DPM3: variants seen among roughly 807,000 people sequenced by gnomAD.
The protein encoded by DPM3 is dolichol-phosphate mannosyltransferase subunit 3.
DPM3 carries 7 observed loss-of-function variants against 8.9 expected under a neutral mutation model. That is an observed-to-expected ratio of 0.79 (90% CI 0.45 to 1.48). DPM3 has a LOEUF of 1.48. DPM3 is among the 40% of genes most tolerant of loss of function. The pLI is 0.01. For synonymous variants in DPM3, 41 were observed against 56.3 expected (o/e 0.73, Z 1.22); for missense variants, 108 against 116.2 (o/e 0.93, Z 0.33).
intron 1 of DPM3, 64 bp downstream of exon 1, chr1:155,140,427 C>A (rs762421905): frequency 8.2e-6 from 6 of 728,252 alleles, no homozygotes; most frequent in Non-Finnish European, 1.5e-5. Flanking sequence ...TTGCTACCCC[C>A]TCTATATTTG....
intron 1 of DPM3, 60 bp from the exon 2 acceptor site, chr1:155,140,305 A>C: frequency 6.4e-7 from 1 of 1,569,802 alleles, no homozygotes; most frequent in Non-Finnish European, 8.7e-7. Context: ...GACCAAACTC[A>C]ACCGAAGCCC....
intron 1 of DPM3, 86 bp from the exon 2 acceptor site, chr1:155,140,331 T>A: frequency 6.9e-7 from 1 of 1,442,086 alleles, no homozygotes; most frequent in Non-Finnish European, 9.6e-7. Flanking sequence ...CGGAGAGCAT[T>A]AAAACCAGCC....
rs577202972 is a variant in DPM3 at position 155,140,499 on chromosome 1, C to T, written c.-14G>A. ...CTTCAACCTACACTTACCTCTACCCCACGTCTCCCCTTCCCCGCGCGGCCC... is the reference window on the plus strand; with the variant it reads ...CTTCAACCTACACTTACCTCTACCCTACGTCTCCCCTTCCCCGCGCGGCCC... On this transcript the variant is annotated 5_prime_UTR_variant, in exon 1 of 2. Coordinates refer to ENST00000368400, the MANE Select transcript of DPM3 (RefSeq NM_153741.2). 1.4e-5 allele frequency: 9 copies of T among 653,862 alleles called. No individual in the cohort carries two copies. Among genetic ancestry groups the T allele is most frequent in the Admixed American group, 4.9e-5 (2 of 41,032 alleles). The allele number at this position is 653,862 out of a possible 1,614,324, so 40.5% of individuals were successfully genotyped here. A position where few individuals can be genotyped will look rare whatever the true frequency, so the allele number is the denominator to read the frequency against.
rs1664705696 is a variant in DPM3 at position 155,140,222 on chromosome 1, A to C, written c.19T>G (p.Trp7Gly). 1 of 1,614,014 alleles carries C rather than the reference A, an allele frequency of 6.2e-7. No individual in the cohort carries two copies. The highest frequency in any genetic ancestry group is 8.5e-7 in the Non-Finnish European group (1 of 1,180,034). The part of the protein sequence containing the change: MTKLAQ[W>G]LWGLAILGST... ...CCCAGGATCGCTAGTCCCCAAAGCC[A>C]CTGCGCTAATTTCGTCATGGTCACT... Residue 7 changes from tryptophan to glycine, a missense_variant, in exon 2 of 2, where the codon TGG becomes GGG. Trp to Gly is a radical substitution (Grantham distance 184). Transcript: ENST00000368400.
In DPM3 at chr1:155,140,081, G is replaced by C; in HGVS notation, c.160C>G (p.Leu54Val). The C allele has an allele frequency of 6.2e-7, 1 of 1,614,074 alleles. No homozygotes were observed. The highest frequency in any genetic ancestry group is 8.5e-7 in the Non-Finnish European group (1 of 1,180,034). Reference protein sequence around the residue: ...YLLVSAGCYALGTVGYRVATF... With the variant: ...YLLVSAGCYAVGTVGYRVATF... Reference sequence around the variant, plus strand: ...GCCACACGATAGCCCACAGTGCCCAGGGCATAGCAGCCGGCGGACACCAGC... The same window carrying C: ...GCCACACGATAGCCCACAGTGCCCACGGCATAGCAGCCGGCGGACACCAGC... The change falls in exon 2 of 2, where the codon CTG becomes GTG. Residue 54 changes from leucine (L) to valine (V), a missense_variant. Leu to Val is a conservative substitution (Grantham distance 32). Transcript: ENST00000368400.
chr1:155,140,386 G>A (rs1664711060), intron 1 of DPM3, 105 bp downstream of exon 1: 2 of 870,796 alleles, frequency 2.3e-6, no homozygotes, highest in Admixed American at 4.0e-5. Flanking sequence ...GAACTTGAGT[G>A]CCCACAAAAG....
chr1:155,140,450 C>T, intron 1 of DPM3, 41 bp downstream of exon 1: 1 of 712,544 alleles, frequency 1.4e-6, no homozygotes, highest in Admixed American at 2.0e-5. Flanking sequence ...ACCCACTCCC[C>T]ATCTCTCGCC....
rs758821383 is a variant in DPM3 at position 155,139,975 on chromosome 1, C to T, written c.266G>A (p.Gly89Glu). Residue 89 changes from glycine to glutamate, a missense_variant, in exon 2 of 2, where the codon GGG (glycine) becomes GAG (glutamate). Coordinates refer to ENST00000368400, the MANE Select transcript of DPM3 (RefSeq NM_153741.2). ...QEARADLARRGLRF is the reference protein window; with the variant it reads ...QEARADLARRELRF ...GGGGTTAGGCTGTCAGAAGCGCAGC[C>T]CCCTGCGGGCTAAGTCGGCTCGGGC... The T allele has an allele frequency of 3.7e-6, 6 of 1,610,896 alleles. No individual in the cohort carries two copies. Among genetic ancestry groups the T allele is most frequent in the Admixed American group, 3.3e-5 (2 of 59,876 alleles).
rs1226125970 is a variant in DPM3, at chr1:155,140,474, C to CT, written c.-6+16dup. ...CCATCTCTCGCCCTCCCCATTCAGC[C>CT]TTCAACCTACACTTACCTCTACCCC... On this transcript the variant is annotated intron_variant, in intron 1 of 1. Transcript: ENST00000368400. 1.4e-6 allele frequency: 1 copy of CT among 703,826 alleles called. No individual in the cohort carries two copies. Among genetic ancestry groups the CT allele is most frequent in the African/African-American group, 1.8e-5 (1 of 56,648 alleles). The allele number at this position is 703,826 out of a possible 1,614,324, so 43.6% of individuals were successfully genotyped here.
chr1:155,139,969 C>T lies in DPM3; in HGVS notation c.272G>A (p.Arg91His). 6.2e-7 allele frequency: 1 copy of T among 1,609,746 alleles called. No homozygotes were observed. Residue 91 changes from arginine (R) to histidine (H), a missense_variant, in exon 2 of 2, where the codon CGC (arginine) becomes CAC (histidine). Arg to His is a conservative substitution (Grantham distance 29, BLOSUM62 0). Transcript: ENST00000368400. Reference sequence around the variant, plus strand: ...AGGAATGGGGTTAGGCTGTCAGAAGCGCAGCCCCCTGCGGGCTAAGTCGGC... The same window carrying T: ...AGGAATGGGGTTAGGCTGTCAGAAGTGCAGCCCCCTGCGGGCTAAGTCGGC... ...ARADLARRGLRF is the reference protein window; with the variant it reads ...ARADLARRGLHF
Position 155,140,505 on chromosome 1 carries a change from T to G in DPM3, c.-20A>C. The G allele has an allele frequency of 3.1e-6, 2 of 638,066 alleles. No individual in the cohort carries two copies. Among genetic ancestry groups the G allele is most frequent in the Non-Finnish European group, 2.9e-6 (1 of 347,566 alleles). The allele number at this position is 638,066 out of a possible 1,614,324, so 39.5% of individuals were successfully genotyped here. The stretch of plus-strand genomic sequence containing the variant: ...CCTACACTTACCTCTACCCCACGTC[T>G]CCCCTTCCCCGCGCGGCCCGGATGT... On this transcript the variant is annotated 5_prime_UTR_variant, in exon 1 of 2. Transcript: ENST00000368400.
chr1:155,140,026 C>T lies in DPM3; in HGVS notation c.215G>A (p.Arg72His). ...ATFHDCEDAA[R>H]ELQSQIQEAR... ...CTCCTGTATCTGGCTCTGCAGCTCG[C>T]GTGCGGCGTCCTCGCAGTCATGAAA... The change falls in exon 2 of 2, where the codon CGC becomes CAC. Residue 72 changes from arginine (R) to histidine (H), a missense_variant. Transcript: ENST00000368400. 6.2e-7 allele frequency: 1 copy of T among 1,614,014 alleles called. No homozygotes were observed. Among genetic ancestry groups the T allele is most frequent in the Admixed American group, 1.7e-5 (1 of 60,024 alleles).
rs773107257 is a variant in DPM3 at position 155,139,922 on chromosome 1, T to C, written c.*40A>G. 3 of 1,561,040 alleles carry C rather than the reference T, an allele frequency of 1.9e-6. No individual in the cohort carries two copies. Among genetic ancestry groups the C allele is most frequent in the Non-Finnish European group, 2.6e-6 (3 of 1,154,792 alleles). ...AATAAACTGGCTCTTTAATGGGAAA[T>C]GGGAGGAAGGGCTGTCCGCACAGGA... On this transcript the variant is annotated 3_prime_UTR_variant, in exon 2 of 2. Coordinates refer to ENST00000368400, the MANE Select transcript of DPM3 (RefSeq NM_153741.2).
At position 155,140,224 on chromosome 1, in the gene DPM3, T is replaced by A; in HGVS notation, c.17A>T (p.Gln6Leu). 1 of 1,614,088 alleles carries A rather than the reference T, an allele frequency of 6.2e-7. No individual in the cohort carries two copies. Among genetic ancestry groups the A allele is most frequent in the Non-Finnish European group, 8.5e-7 (1 of 1,180,016 alleles). Reference sequence around the variant, plus strand: ...CAGGATCGCTAGTCCCCAAAGCCACTGCGCTAATTTCGTCATGGTCACTGC... The same window carrying A: ...CAGGATCGCTAGTCCCCAAAGCCACAGCGCTAATTTCGTCATGGTCACTGC... MTKLA[Q>L]WLWGLAILGS... The change falls in exon 2 of 2, where the codon CAG becomes CTG. Residue 6 changes from glutamine to leucine, a missense_variant. By Grantham distance (113) the Gln-to-Leu change is moderately radical. Transcript: ENST00000368400.
rs1004628491 is a variant in DPM3, at chr1:155,140,481, C to T, written c.-6+10G>A. The stretch of plus-strand genomic sequence containing the variant: ...TCGCCCTCCCCATTCAGCCTTCAAC[C>T]TACACTTACCTCTACCCCACGTCTC... On this transcript the variant is annotated intron_variant, in intron 1 of 1. Coordinates refer to ENST00000368400, the MANE Select transcript of DPM3 (RefSeq NM_153741.2). The T allele has an allele frequency of 5.7e-5, 39 of 685,194 alleles. No individual in the cohort carries two copies. The highest frequency in any genetic ancestry group is 8.1e-5 in the Non-Finnish European group (30 of 368,984). The allele number at this position is 685,194 out of a possible 1,614,324, so 42.4% of individuals were successfully genotyped here. A position where few individuals can be genotyped will look rare whatever the true frequency, so the allele number is the denominator to read the frequency against.
intron 1 of DPM3, 41 bp from the exon 2 acceptor site, chr1:155,140,286 G>A: frequency 1.2e-6 from 2 of 1,606,032 alleles, no homozygotes; most frequent in Admixed American, 3.4e-5. Context: ...GGAGCAGAAA[G>A]GAAAAGCGGA....
In DPM3 at chr1:155,140,095, G is replaced by A; in HGVS notation, c.146C>T (p.Ala49Val). ...CACAGTGCCCAGGGCATAGCAGCCG[G>A]CGGACACCAGCAAGTAGGCGGGCAG... Reference protein sequence around the residue: ...WPLPAYLLVSAGCYALGTVGY... With the variant: ...WPLPAYLLVSVGCYALGTVGY... The change falls in exon 2 of 2, where the codon GCC becomes GTC. Residue 49 changes from alanine (A) to valine (V), a missense_variant. Coordinates refer to ENST00000368400, the MANE Select transcript of DPM3 (RefSeq NM_153741.2). 6.2e-7 allele frequency: 1 copy of A among 1,614,106 alleles called. No individual in the cohort carries two copies. The highest frequency in any genetic ancestry group is 8.5e-7 in the Non-Finnish European group (1 of 1,180,044).
rs554351545 is a variant in DPM3 at position 155,140,447 on chromosome 1, C to T, written c.-6+44G>A. On this transcript the variant is annotated intron_variant, in intron 1 of 1. Transcript: ENST00000368400. Reference sequence around the variant, plus strand: ...ACCCCCTCTATATTTGAGACCCACTCCCCATCTCTCGCCCTCCCCATTCAG... The same window carrying T: ...ACCCCCTCTATATTTGAGACCCACTTCCCATCTCTCGCCCTCCCCATTCAG... 27 of 713,754 alleles carry T rather than the reference C, an allele frequency of 3.8e-5. No homozygotes were observed. The South Asian group carries it at 4.1e-4, about 11-fold the overall frequency. The allele number at this position is 713,754 out of a possible 1,614,324, so 44.2% of individuals were successfully genotyped here.
At position 155,140,143 on chromosome 1, in the gene DPM3, G is replaced by C; in HGVS notation, c.98C>G (p.Ser33Cys). The change falls in exon 2 of 2, where the codon TCC becomes TGC. Residue 33 changes from serine to cysteine, a missense_variant. By Grantham distance (112) the Ser-to-Cys change is moderately radical. Transcript: ENST00000368400. The part of the protein sequence containing the change: ...TGALGLELPL[S>C]CQEVLWPLPA... ...CAGTGGCCACAGGACTTCCTGGCAGGACAAGGGCAGCTCCAGGCCCAAGGC... is the reference window on the plus strand; with the variant it reads ...CAGTGGCCACAGGACTTCCTGGCAGCACAAGGGCAGCTCCAGGCCCAAGGC... The C allele has an allele frequency of 1.2e-6, 2 of 1,614,170 alleles. No homozygotes were observed. The highest frequency in any genetic ancestry group is 1.7e-6 in the Non-Finnish European group (2 of 1,180,046).
Sources: allele counts gnomAD v4.1 joint callset, GRCh38; gene constraint gnomAD v4.1.1; transcripts MANE v1.5; gene names NCBI Gene and HGNC (gene_info 2026-07-23, HGNC 2026-07-21).